The following BPIFC variants were observed in gnomAD, a reference collection of about 807,000 sequenced individuals.
BPIFC encodes BPI fold-containing family C protein.
In BPIFC, 60 loss-of-function variants were observed where a neutral mutation model predicts 57.6. The observed-to-expected ratio is 1.04, with a 90% CI of 0.85 to 1.29. The LOEUF is 1.29. Ranked by LOEUF, BPIFC falls within the 50% of genes most tolerant of loss-of-function variation. The pLI is 0.00. For synonymous variants in BPIFC, 243 were observed against 224.5 expected (o/e 1.08, Z -0.74); for missense variants, 581 against 600.5 (o/e 0.97, Z 0.34).
In BPIFC at chr22:32,435,987, G is replaced by A. The variant is rs113849603; in HGVS notation, c.748-107C>T. On this transcript the variant is annotated intron_variant, in intron 9 of 16. Coordinates refer to ENST00000300399, the MANE Select transcript of BPIFC (RefSeq NM_174932.3). ...GTCAGAATAAGAATTCCAGAAGCTC[G>A]GGCCAGGTGTGGTGGCTCACGCCTA... 1,947 of 1,314,950 alleles carry A rather than the reference G, an allele frequency of 1.5e-3. 27 individuals are homozygous for A. The African/African-American group carries it at 0.022, about 15-fold the overall frequency. The allele number at this position is 1,314,950 out of a possible 1,614,324, so 81.5% of individuals were successfully genotyped here.
chr22:32,415,321 C>T (rs1601437581), intron 16 of BPIFC, among the ~76,000 whole-genome samples: 1 of 152,286 alleles, frequency 6.6e-6, no homozygotes, highest in Middle Eastern at 3.4e-3. Context: ...TTGGGGACCC[C>T]TGGACTGTAC....
At chr22:32,423,577 GGTGTGTGTGT>G (rs369571670) in intron 13 of BPIFC, among the ~76,000 whole-genome samples, 10 of 143,198 alleles carry the variant, frequency 7.0e-5, no homozygotes, top group Non-Finnish European at 1.1e-4. Context: ...GTAGGGTGTG[GGTGTGTGTGT>G]GTGTGTGTGT....
chr22:32,424,741 C>CT (rs1569448225), intron 13 of BPIFC, among the ~76,000 whole-genome samples: 9 of 44,330 alleles, frequency 2.0e-4, no homozygotes, highest in African/African-American at 8.2e-4. Context: ...CTTCTTCTTC[C>CT]TCTTCTTCTT....
intron 4 of BPIFC, among the ~76,000 whole-genome samples, chr22:32,447,709 AAT>A (rs1211885896): frequency 1.3e-5 from 2 of 149,012 alleles, no homozygotes; most frequent in Non-Finnish European, 1.5e-5. Context: ...GGGCTCAGGT[AAT>A]CCTCCTGCCT....
intron 2 of BPIFC, among the ~76,000 whole-genome samples, chr22:32,457,739 C>T (rs1935075056): frequency 6.6e-6 from 1 of 152,190 alleles, no homozygotes. Context: ...AGTGAATATG[C>T]ATCCTTCAGG....
chr22:32,455,445 A>T (rs987669364), intron 3 of BPIFC, among the ~76,000 whole-genome samples: 9 of 152,308 alleles, frequency 5.9e-5, no homozygotes, highest in African/African-American at 1.9e-4. Flanking sequence ...ATAAAATTTT[A>T]AAAATACCTA....
chr22:32,441,892 G>C (rs183356771), intron 8 of BPIFC, among the ~76,000 whole-genome samples: 1 of 152,320 alleles, frequency 6.6e-6, no homozygotes, highest in African/African-American at 2.4e-5. Flanking sequence ...TCAGGCATTA[G>C]ATTCCCATAA....
chr22:32,424,350 A>G (rs1202767516), intron 13 of BPIFC, among the ~76,000 whole-genome samples: 1 of 151,996 alleles, frequency 6.6e-6, no homozygotes, highest in African/African-American at 2.4e-5. Flanking sequence ...TACTTTCTTC[A>G]CCATTTTCTC....
At position 32,415,955 on chromosome 22, in the gene BPIFC, T is replaced by C. The variant is rs1933660528; in HGVS notation, c.1361A>G (p.His454Arg). 1.4e-5 allele frequency: 23 copies of C among 1,594,756 alleles called. No individual in the cohort carries two copies. The highest frequency in any genetic ancestry group is 2.0e-5 in the Non-Finnish European group (23 of 1,172,810). Residue 454 changes from histidine (H) to arginine (R), a missense_variant, in exon 16 of 17, where the codon CAC (histidine) becomes CGC (arginine). Transcript: ENST00000300399. ...ATCTGAATTGACGAATAAGAATTTG[T>C]GTGGATTGGACAGAGGAAATCCTTG... ...LQQGFPLSNP[H>R]KFLFVNSDIE... is the part of the protein sequence containing the mutation.
intron 9 of BPIFC, among the ~76,000 whole-genome samples, chr22:32,436,364 G>A (rs1045017978): frequency 2.4e-5 from 2 of 82,868 alleles, no homozygotes; most frequent in Non-Finnish European, 6.2e-5. Context: ...AGGAGGAGGA[G>A]GAGGAGGAGG....
At chr22:32,443,715 A>C (rs1934634407) in intron 7 of BPIFC, among the ~76,000 whole-genome samples, 1 of 152,152 alleles carries the variant, frequency 6.6e-6, no homozygotes, top group East Asian at 1.9e-4. Flanking sequence ...TTGGCAAGTT[A>C]CTTGTATTCT....
chr22:32,454,570 T>C (rs1171100864), intron 3 of BPIFC, among the ~76,000 whole-genome samples: 1 of 152,224 alleles, frequency 6.6e-6, no homozygotes, highest in African/African-American at 2.4e-5. Context: ...ACCTCCATAG[T>C]TAATGAAGAA....
intron 7 of BPIFC, 144 bp downstream of exon 7, chr22:32,445,491 C>T (rs533289401): frequency 6.1e-5 from 51 of 831,994 alleles, no homozygotes; most frequent in East Asian, 2.9e-4. Flanking sequence ...GAGCGGAGAT[C>T]GTGCCACTGC....
intron 13 of BPIFC, among the ~76,000 whole-genome samples, chr22:32,422,708 G>A (rs1204592681): frequency 1.4e-5 from 2 of 147,114 alleles, no homozygotes; most frequent in African/African-American, 5.0e-5. Context: ...ACTACGTTTT[G>A]AAAAAAAAAA....
intron 13 of BPIFC, among the ~76,000 whole-genome samples, chr22:32,429,862 T>A (rs910471262): frequency 1.3e-5 from 2 of 152,164 alleles, no homozygotes; most frequent in African/African-American, 4.8e-5. Flanking sequence ...CGTTGACTTG[T>A]GATTGATTTA....
intron 7 of BPIFC, among the ~76,000 whole-genome samples, chr22:32,443,843 A>G (rs1218494208): frequency 6.6e-6 from 1 of 152,222 alleles, no homozygotes; most frequent in Non-Finnish European, 1.5e-5. Context: ...TATAGTAAGC[A>G]TTGAGTAAGT....
intron 3 of BPIFC, among the ~76,000 whole-genome samples, chr22:32,454,995 A>G (rs1343186159): frequency 1.3e-5 from 2 of 148,792 alleles, no homozygotes; most frequent in African/African-American, 5.0e-5. Context: ...ATGTTAATTC[A>G]TTTATTTTCC....
In BPIFC at chr22:32,453,586, A is replaced by G. The variant is rs943229182; in HGVS notation, c.125-83T>C. The G allele has an allele frequency of 1.2e-4, 167 of 1,436,454 alleles. 2 individuals are homozygous for G. In the South Asian group the frequency reaches 1.8e-3, roughly 16 times the overall value. The allele number at this position is 1,436,454 out of a possible 1,614,324, so 89.0% of individuals were successfully genotyped here. A position where few individuals can be genotyped will look rare whatever the true frequency, so the allele number is the denominator to read the frequency against. On this transcript the variant is annotated intron_variant, in intron 3 of 16. Coordinates refer to ENST00000300399, the MANE Select transcript of BPIFC (RefSeq NM_174932.3). ...AACATTAACCACACAAATACAATTT[A>G]TTGAGTGAGACATGCCCTTAGATAC... is the stretch of plus-strand genomic sequence containing the variant.
chr22:32,430,136 T>G (rs1158979529), intron 13 of BPIFC, among the ~76,000 whole-genome samples: 2 of 152,188 alleles, frequency 1.3e-5, no homozygotes, highest in Non-Finnish European at 2.9e-5. Flanking sequence ...CACATGCATT[T>G]GACAGTCAGA....
Sources: gnomAD v4.1 joint callset for allele counts (sites outside exome capture counted in the v4.1 genomes callset) on GRCh38, gnomAD v4.1.1 for gene constraint, MANE v1.5 for transcripts, NCBI Gene and HGNC (gene_info 2026-07-23, HGNC 2026-07-21) for gene names.